Variants in RYR2 observed in about 807,000 individuals in gnomAD.
RYR2 encodes the protein ryanodine receptor 2.
A neutral mutation model predicts 601.1 loss-of-function variants in RYR2; 227 were observed. The observed-to-expected ratio is 0.38, with a 90% CI of 0.34 to 0.42. The LOEUF (loss-of-function observed/expected upper bound fraction) is 0.42, where lower values mean the gene tolerates loss of function less well. Among genes scored for constraint, RYR2 ranks in the 10% least tolerant of loss-of-function variants. RYR2 has a pLI of 1.00. For missense variants in RYR2, 4,646 were observed against 6,156.5 expected (o/e 0.75, Z 8.21); for synonymous variants, 2,223 against 2,175.1 (o/e 1.02, Z -0.61).
chr1:237,057,298 G>A (rs1662280248), intron 1 of RYR2, among the ~76,000 whole-genome samples: 1 of 152,056 alleles, frequency 6.6e-6, no homozygotes, highest in Non-Finnish European at 1.5e-5. Flanking sequence ...CGATTCTTCT[G>A]CCTCAGCCTC....
intron 17 of RYR2, among the ~76,000 whole-genome samples, chr1:237,469,459 G>A (rs1014867924): frequency 6.6e-6 from 1 of 151,746 alleles, no homozygotes; most frequent in Non-Finnish European, 1.5e-5. Flanking sequence ...TCTGATGTTT[G>A]GTGTAATATA....
chr1:237,662,671 T>C (rs1031645044), intron 56 of RYR2, among the ~76,000 whole-genome samples: 34 of 152,232 alleles, frequency 2.2e-4, no homozygotes, highest in Non-Finnish European at 3.8e-4. Context: ...CTCCTTTTTG[T>C]TCTAATAGTA....
At chr1:237,480,180 A>G (rs948918932) in intron 17 of RYR2, among the ~76,000 whole-genome samples, 1 of 152,070 alleles carries the variant, frequency 6.6e-6, no homozygotes, top group Admixed American at 6.5e-5. Context: ...GCACTTTGGG[A>G]GGCTGAGGTG....
chr1:237,748,967 A>C (rs1414691921), intron 80 of RYR2, among the ~76,000 whole-genome samples: 1 of 152,216 alleles, frequency 6.6e-6, no homozygotes, highest in Non-Finnish European at 1.5e-5. Flanking sequence ...GAGATTATTT[A>C]AAGTAGACAG....
At chr1:237,058,825 G>C (rs1662495868) in intron 1 of RYR2, among the ~76,000 whole-genome samples, 1 of 151,878 alleles carries the variant, frequency 6.6e-6, no homozygotes, top group Non-Finnish European at 1.5e-5. Flanking sequence ...GGGGTGTTCA[G>C]TAACAATCAG....
chr1:237,623,857 G>A lies in RYR2; in HGVS notation c.6009G>A (p.Leu2003=). The change falls in exon 39 of 105, where the codon TTG becomes TTA. Residue 2003 remains leucine (L), a synonymous_variant. Transcript: ENST00000366574. ...AACTATTGGATTTCCATGAAGATTT[G>A]ATGACACATTGTGGTAAGGTCTTTT... ...RDQLLDFHED[L]MTHCGIELDE... 6.2e-7 allele frequency: 1 copy of A among 1,606,680 alleles called. No individual in the cohort carries two copies.
intron 1 of RYR2, among the ~76,000 whole-genome samples, chr1:237,231,911 C>G (rs1685037355): frequency 6.6e-6 from 1 of 152,206 alleles, no homozygotes; most frequent in Non-Finnish European, 1.5e-5. Context: ...CACTTAGCAT[C>G]TCTGAGACTT....
At chr1:237,216,763 A>C (rs1031715259) in intron 1 of RYR2, among the ~76,000 whole-genome samples, 8 of 151,716 alleles carry the variant, frequency 5.3e-5, no homozygotes, top group Middle Eastern at 3.4e-3. Context: ...AAAAAAAAAA[A>C]AACAAAAAAC....
At chr1:237,224,801 A>G (rs1180505044) in intron 1 of RYR2, among the ~76,000 whole-genome samples, 1 of 152,214 alleles carries the variant, frequency 6.6e-6, no homozygotes, top group African/African-American at 2.4e-5. Context: ...TGGAGGCTGC[A>G]GTGAACCATG....
chr1:237,223,228 G>C, intron 1 of RYR2, among the ~76,000 whole-genome samples: 1 of 152,168 alleles, frequency 6.6e-6, no homozygotes, highest in South Asian at 2.1e-4. Context: ...AGTTCTCAAG[G>C]CTGAGATGTC....
chr1:237,746,478 A>G (rs1692087161), intron 80 of RYR2, among the ~76,000 whole-genome samples: 1 of 152,158 alleles, frequency 6.6e-6, no homozygotes, highest in Non-Finnish European at 1.5e-5. Context: ...GTAAAGCTCA[A>G]AAAACATGGA....
chr1:237,612,647 TG>T (rs1678012779), intron 36 of RYR2, among the ~76,000 whole-genome samples: 1 of 152,192 alleles, frequency 6.6e-6, no homozygotes, highest in South Asian at 2.1e-4. Context: ...CATCTGATGA[TG>T]TTTTTTAAGA....
chr1:237,453,954 A>G (rs1417599331), intron 14 of RYR2, among the ~76,000 whole-genome samples: 7 of 152,214 alleles, frequency 4.6e-5, no homozygotes, highest in Non-Finnish European at 1.0e-4. Context: ...TTGAACTCAC[A>G]GGAATTAAAC....
intron 17 of RYR2, among the ~76,000 whole-genome samples, chr1:237,476,439 G>A (rs1661404682): frequency 6.7e-6 from 1 of 149,078 alleles, no homozygotes; most frequent in African/African-American, 2.5e-5. Context: ...GAACCTGGGA[G>A]GTGGAGGTTG....
chr1:237,527,244 G>T (rs1027362046), intron 24 of RYR2, among the ~76,000 whole-genome samples: 2 of 152,054 alleles, frequency 1.3e-5, no homozygotes, highest in Non-Finnish European at 2.9e-5. Context: ...CTCTGGATTT[G>T]TTCATTTTGC....
At chr1:237,045,895 T>TTTTTG (rs1660535353) in intron 1 of RYR2, among the ~76,000 whole-genome samples, 1 of 116,192 alleles carries the variant, frequency 8.6e-6, no homozygotes, top group African/African-American at 3.0e-5. Flanking sequence ...TTTTTTTTTT[T>TTTTTG]GAGTACTTTG....
chr1:237,460,233 G>A (rs1246739742), intron 16 of RYR2, among the ~76,000 whole-genome samples: 2 of 152,164 alleles, frequency 1.3e-5, no homozygotes, highest in Non-Finnish European at 2.9e-5. Flanking sequence ...TATCCCTTGT[G>A]AAAGAGTGTG....
chr1:237,272,408 A>T (rs1250942726), intron 2 of RYR2, among the ~76,000 whole-genome samples: 1 of 151,974 alleles, frequency 6.6e-6, no homozygotes, highest in African/African-American at 2.4e-5. Flanking sequence ...CAGAACAAGG[A>T]GCTCTAGAGC....
chr1:237,310,791 G>A (rs890739270), intron 2 of RYR2, among the ~76,000 whole-genome samples: 10 of 152,058 alleles, frequency 6.6e-5, no homozygotes, highest in African/African-American at 2.4e-4. Flanking sequence ...TCCAAAATAG[G>A]TAAGAAAGAA....
Sources: allele counts gnomAD v4.1 joint callset (sites outside exome capture counted in the v4.1 genomes callset), GRCh38; gene constraint gnomAD v4.1.1; transcripts MANE v1.5; gene names NCBI Gene and HGNC (gene_info 2026-07-23, HGNC 2026-07-21).